The following NPAS2 variants were observed in gnomAD, a reference collection of about 807,000 sequenced individuals.
NPAS2 encodes the protein neuronal PAS domain-containing protein 2.
In NPAS2, 23 loss-of-function variants were observed where a neutral mutation model predicts 107.5. That is an observed-to-expected ratio of 0.21 (90% CI 0.15 to 0.30). The LOEUF (loss-of-function observed/expected upper bound fraction) is 0.30. NPAS2 is among the 10% of genes least tolerant of loss of function. The probability of loss-of-function intolerance (pLI) is 1.00; values close to 1 mark genes in which losing one functional copy is unlikely to be tolerated. For missense variants in NPAS2, 756 were observed against 1,043.3 expected, an observed-to-expected ratio of 0.72 and a Z score of 3.79; for synonymous variants, 403 against 417.5, an observed-to-expected ratio of 0.97 and a Z score of 0.42.
chr2:100,923,382 C>T (rs1427909219), intron 2 of NPAS2, among the ~76,000 whole-genome samples: 3 of 152,128 alleles, frequency 2.0e-5, no homozygotes, highest in Admixed American at 1.3e-4. Flanking sequence ...GGGTTGTGAA[C>T]ATGTGTGTTG....
chr2:100,889,696 A>G (rs1014446928), intron 1 of NPAS2, among the ~76,000 whole-genome samples: 4 of 152,140 alleles, frequency 2.6e-5, no homozygotes, highest in African/African-American at 4.8e-5. Flanking sequence ...CCAGGCAGCA[A>G]TCACCAATGG....
chr2:100,976,391 C>G lies in NPAS2; in HGVS notation c.1392+824C>G, dbSNP rs1677010083. Among the ~76,000 whole-genome samples, 1 of 152,050 alleles carries G rather than the reference C, an allele frequency of 6.6e-6. No homozygotes were observed. Among genetic ancestry groups the G allele is most frequent in the South Asian group, 2.1e-4 (1 of 4,822 alleles). ...AAGAGGAGACACCTGGAGACGCAGGCAGGAACCATGCAGACCTCTGTGACC... is the reference window on the plus strand; with the variant it reads ...AAGAGGAGACACCTGGAGACGCAGGGAGGAACCATGCAGACCTCTGTGACC... On this transcript the variant is annotated intron_variant, in intron 14 of 20. Coordinates refer to ENST00000335681, the MANE Select transcript of NPAS2 (RefSeq NM_002518.4). This position sits in a 1 kb window ranked among gnomAD's most constrained non-coding sequence, Gnocchi z 4.1.
chr2:100,893,995 G>C (rs1036728707), intron 1 of NPAS2, among the ~76,000 whole-genome samples: 4 of 152,212 alleles, frequency 2.6e-5, no homozygotes, highest in African/African-American at 4.8e-5. Flanking sequence ...CCCTGGGGGA[G>C]ACTGTCACTT....
chr2:100,877,618 C>T (rs1335508980), intron 1 of NPAS2, among the ~76,000 whole-genome samples: 1 of 152,164 alleles, frequency 6.6e-6, no homozygotes, highest in Admixed American at 6.5e-5. Context: ...CACGGGGGAC[C>T]TTGTCACTTG....
At chr2:100,873,544 C>T (rs1466589309) in intron 1 of NPAS2, among the ~76,000 whole-genome samples, 2 of 151,600 alleles carry the variant, frequency 1.3e-5, no homozygotes, top group Non-Finnish European at 2.9e-5. Flanking sequence ...GAAATATGCC[C>T]AGAAAGTAAC....
At chr2:100,867,033 A>C (rs1205269139) in intron 1 of NPAS2, among the ~76,000 whole-genome samples, 2 of 152,240 alleles carry the variant, frequency 1.3e-5, no homozygotes, top group African/African-American at 4.8e-5. Context: ...TCACCTGACA[A>C]ATAGCTGAAT....
intron 1 of NPAS2, among the ~76,000 whole-genome samples, chr2:100,873,611 C>G (rs1653252070): frequency 6.6e-6 from 1 of 152,004 alleles, no homozygotes; most frequent in South Asian, 2.1e-4. Context: ...TCTGTATTTT[C>G]TCCTTTACAT....
At chr2:100,962,075 C>T (rs1274025882) in intron 7 of NPAS2, among the ~76,000 whole-genome samples, 1 of 152,116 alleles carries the variant, frequency 6.6e-6, no homozygotes, top group East Asian at 1.9e-4. Context: ...TGTTTTCCTT[C>T]CCTTTGATAA....
intron 16 of NPAS2, chr2:100,987,257 A>G (rs1216333546): frequency 2.0e-5 from 3 of 152,212 alleles, no homozygotes; most frequent in African/African-American, 7.2e-5. Flanking sequence ...TTTAAATCAA[A>G]TACACCAAAC....
intron 3 of NPAS2, 37 bp from the exon 4 acceptor site, chr2:100,932,873 C>A: frequency 7.2e-7 from 1 of 1,380,294 alleles, no homozygotes; most frequent in Non-Finnish European, 1.0e-6. Flanking sequence ...TTCTAGGTGC[C>A]ATTGAATATA....
At chr2:100,892,124 TC>T (rs1228682930) in intron 1 of NPAS2, among the ~76,000 whole-genome samples, 1 of 151,876 alleles carries the variant, frequency 6.6e-6, no homozygotes, top group African/African-American at 2.4e-5. Flanking sequence ...TGATAGAGAG[TC>T]CCCCTAAAAG....
chr2:100,822,926 G>T lies in NPAS2; in HGVS notation c.-23+2512G>T, dbSNP rs566607562. 6 of 152,296 alleles carry T rather than the reference G, an allele frequency of 3.9e-5. No individual in the cohort carries two copies. In the South Asian group the frequency reaches 6.2e-4, roughly 16 times the overall value. The allele number at this position is 152,296 out of a possible 1,614,324, so 9.4% of individuals were successfully genotyped here. A position where few individuals can be genotyped will look rare whatever the true frequency, so the allele number is the denominator to read the frequency against. ...GAGTTTCACATTTAAATAGTGGATA[G>T]GGTACTTGGTGCATTATTTGCTTAC... is the stretch of plus-strand genomic sequence containing the variant. On this transcript the variant is annotated intron_variant, in intron 1 of 20. Transcript: ENST00000335681.
chr2:100,993,737 G>C, intron 20 of NPAS2: 1 of 433,182 alleles, frequency 2.3e-6, no homozygotes, highest in Non-Finnish European at 4.0e-6. Context: ...ATTACGAGTC[G>C]GCTATTATGC....
intron 2 of NPAS2, among the ~76,000 whole-genome samples, chr2:100,918,789 T>G (rs1477265047): frequency 6.6e-6 from 1 of 152,212 alleles, no homozygotes; most frequent in African/African-American, 2.4e-5. Context: ...CACTCATACA[T>G]TGCTGGTAGG....
chr2:100,845,401 T>C (rs1421360892), intron 1 of NPAS2, among the ~76,000 whole-genome samples: 1 of 152,174 alleles, frequency 6.6e-6, no homozygotes, highest in Admixed American at 6.5e-5. Context: ...AGGTTCTGTT[T>C]TTACATGTGG....
intron 13 of NPAS2, 164 bp from the exon 14 acceptor site, chr2:100,975,294 G>T: frequency 1.5e-6 from 1 of 677,424 alleles, no homozygotes. Flanking sequence ...CCTGCTCCCA[G>T]GCTGGGCTTC....
rs970566285 is a variant in NPAS2, at chr2:100,968,970, C to T, written c.1055+542C>T. Among the ~76,000 whole-genome samples, 5 of 152,150 alleles carry T rather than the reference C, an allele frequency of 3.3e-5. No homozygotes were observed. The highest frequency in any genetic ancestry group is 1.3e-4 in the Admixed American group (2 of 15,282). On this transcript the variant is annotated intron_variant, in intron 11 of 20. Coordinates refer to ENST00000335681, the MANE Select transcript of NPAS2 (RefSeq NM_002518.4). The surrounding 1 kb of genome is among the most constrained non-coding windows in gnomAD (Gnocchi z 5.3). Reference sequence around the variant, plus strand: ...GCCTCAGGGAGCCCTCCACCCAGGGCGGGTGAGCAGGACTTTAAAGAGACG... The same window carrying T: ...GCCTCAGGGAGCCCTCCACCCAGGGTGGGTGAGCAGGACTTTAAAGAGACG...
intron 1 of NPAS2, among the ~76,000 whole-genome samples, chr2:100,893,172 A>G (rs1205197138): frequency 6.6e-6 from 1 of 152,216 alleles, no homozygotes; most frequent in Non-Finnish European, 1.5e-5. Context: ...CTGTTGCTCA[A>G]AGGCTTTTTA....
At chr2:100,992,217 C>G (rs1177816881) in intron 19 of NPAS2, among the ~76,000 whole-genome samples, 2 of 152,230 alleles carry the variant, frequency 1.3e-5, no homozygotes, top group Non-Finnish European at 2.9e-5. Context: ...AGTTCAAGAC[C>G]AGTCTGGCCA....
Sources: gnomAD v4.1 joint callset for allele counts (sites outside exome capture counted in the v4.1 genomes callset) on GRCh38, gnomAD v4.1.1 for gene constraint, Gnocchi (gnomAD v3.1) non-coding constraint, MANE v1.5 for transcripts, NCBI Gene and HGNC (gene_info 2026-07-23, HGNC 2026-07-21) for gene names.